The following CLIC5 variants were observed in gnomAD, a reference collection of about 807,000 sequenced individuals.
CLIC5 encodes CLIC family member 5, also known as chloride intracellular channel protein 5.
Under a neutral mutation model 24.7 loss-of-function variants are expected in CLIC5, and 20 were observed. The ratio of observed to expected loss-of-function variants is 0.81; its 90% CI spans 0.57 to 1.18. CLIC5 has a LOEUF of 1.18. CLIC5 is among the 50% of genes most tolerant of loss of function. The pLI is 0.00. For missense variants in CLIC5, 341 were observed against 326.1 expected (o/e 1.05, Z -0.35); for synonymous variants, 159 against 135.6 (o/e 1.17, Z -1.20).
At chr6:45,965,255 T>C (rs1222499305) in intron 1 of CLIC5, among the ~76,000 whole-genome samples, 1 of 152,216 alleles carries the variant, frequency 6.6e-6, no homozygotes, top group Non-Finnish European at 1.5e-5. Flanking sequence ...GGTTAACTAT[T>C]GGTACAATGA....
rs1554151289 is a variant in CLIC5, at chr6:45,958,443, T to TATACACACACACACACACACACACAC, written c.64-3200_64-3199insGTGTGTGTGTGTGTGTGTGTGTGTAT. 2.1e-3 allele frequency among the ~76,000 whole-genome samples: 115 copies of TATACACACACACACACACACACACAC among 55,620 alleles called. 7 individuals carry two copies. Among genetic ancestry groups the TATACACACACACACACACACACACAC allele is most frequent in the Admixed American group, 3.1e-3 (16 of 5,104 alleles). The allele number at this position is 55,620 out of a possible 152,430, so 36.5% of individuals were successfully genotyped here. ...ACAATTATATATATATATATATATA[T>TATACACACACACACACACACACACAC]ATATATATATATATATATATATATA... On this transcript the variant is annotated intron_variant, in intron 1 of 5. Coordinates refer to ENST00000339561, the MANE Select transcript of CLIC5 (RefSeq NM_016929.5).
At chr6:45,985,296 T>A (rs1238018585) in intron 1 of CLIC5, among the ~76,000 whole-genome samples, 1 of 152,174 alleles carries the variant, frequency 6.6e-6, no homozygotes, top group Admixed American at 6.5e-5. Context: ...CATGAAGCAA[T>A]TCATTCTACC....
intron 5 of CLIC5, chr6:45,911,967 C>T (rs1306819879): frequency 2.0e-6 from 2 of 985,490 alleles, no homozygotes; most frequent in Non-Finnish European, 1.2e-6. Flanking sequence ...CAGAGCAACT[C>T]TGCTTCCAGG....
At chr6:45,948,612 C>T (rs779858661) in intron 3 of CLIC5, among the ~76,000 whole-genome samples, 12 of 152,276 alleles carry the variant, frequency 7.9e-5, no homozygotes, top group South Asian at 2.1e-4. Flanking sequence ...CTTTAATGAA[C>T]AAGTCTAGCT....
chr6:45,955,520 A>T (rs1764613725), intron 1 of CLIC5, among the ~76,000 whole-genome samples: 1 of 152,190 alleles, frequency 6.6e-6, no homozygotes. Flanking sequence ...TGGGGTAAAA[A>T]TAGACCTGCA....
intron 1 of CLIC5, among the ~76,000 whole-genome samples, chr6:45,984,286 C>T (rs113559472): frequency 7.2e-5 from 11 of 152,278 alleles, no homozygotes; most frequent in African/African-American, 2.6e-4. Context: ...ACTTTCCAGG[C>T]CTCCTGGCCT....
Position 45,984,185 on chromosome 6 carries a change from A to G in CLIC5, c.64-28941T>C, listed in dbSNP as rs182515402. Reference sequence around the variant, plus strand: ...CTAGAGATTTAAAAAAGTACTTGGGATTAAAAGACAAATAAAACATTAGAG... The same window carrying G: ...CTAGAGATTTAAAAAAGTACTTGGGGTTAAAAGACAAATAAAACATTAGAG... On this transcript the variant is annotated intron_variant, in intron 1 of 5. Transcript: ENST00000339561. Among the ~76,000 whole-genome samples the G allele has an allele frequency of 7.2e-5, 11 of 152,336 alleles. No individual in the cohort carries two copies. In the East Asian group the frequency reaches 1.9e-3, roughly 27 times the overall value.
At chr6:46,041,720 T>G (rs1454969057) in intron 1 of CLIC5, among the ~76,000 whole-genome samples, 1 of 152,214 alleles carries the variant, frequency 6.6e-6, no homozygotes, top group Non-Finnish European at 1.5e-5. Context: ...TTTTGAATTT[T>G]AGAACAGTTA....
chr6:46,015,421 G>A, intron 1 of CLIC5, 59 bp downstream of exon 1: 2 of 1,452,430 alleles, frequency 1.4e-6, no homozygotes, highest in Middle Eastern at 1.9e-4. Flanking sequence ...CCCGAGCCCT[G>A]GTGGGTGAGC....
At chr6:45,950,880 A>G (rs1473636580) in intron 2 of CLIC5, among the ~76,000 whole-genome samples, 1 of 152,156 alleles carries the variant, frequency 6.6e-6, no homozygotes, top group African/African-American at 2.4e-5. Flanking sequence ...TTTAAATTTT[A>G]AAAATTCTGT....
At chr6:45,981,132 G>A (rs1204337) in intron 1 of CLIC5, among the ~76,000 whole-genome samples, 57,308 of 151,586 alleles carry the variant, frequency 0.38, 12,089 homozygotes, top group African/African-American at 0.57. Flanking sequence ...ACCAGGTCTG[G>A]CTAATTTTTG....
At chr6:46,019,549 G>T (rs555259761), upstream of CLIC5, among the ~76,000 whole-genome samples, 17 of 150,866 alleles carry the variant, frequency 1.1e-4, no homozygotes, top group South Asian at 3.3e-3. Flanking sequence ...AGCCGGGCGC[G>T]GTGGCGGGCG....
intron 6 of CLIC5, among the ~76,000 whole-genome samples, chr6:45,893,301 A>G (rs1762368719): frequency 6.6e-6 from 1 of 151,850 alleles, no homozygotes; most frequent in Non-Finnish European, 1.5e-5. Flanking sequence ...ATCGTGTGAT[A>G]CATAAGAATG....
chr6:45,883,895 TGA>T (rs1314670816), intron 6 of CLIC5: 2 of 152,276 alleles, frequency 1.3e-5, no homozygotes, highest in African/African-American at 4.8e-5. Flanking sequence ...TAAAGAAGCA[TGA>T]GACTGTTGAA....
chr6:46,020,374 T>C (rs1767142130), upstream of CLIC5, among the ~76,000 whole-genome samples: 1 of 152,118 alleles, frequency 6.6e-6, no homozygotes, highest in African/African-American at 2.4e-5. Context: ...TATTTTGAAC[T>C]GAATTCAAAT....
At chr6:46,030,584 T>G (rs1353073916) in intron 1 of CLIC5, among the ~76,000 whole-genome samples, 1 of 152,100 alleles carries the variant, frequency 6.6e-6, no homozygotes, top group East Asian at 2.0e-4. Context: ...AATGATGTAC[T>G]AGGTTGGGAC....
At chr6:45,916,690 CAGTGATT>C (rs1763044023) in intron 4 of CLIC5, among the ~76,000 whole-genome samples, 1 of 152,202 alleles carries the variant, frequency 6.6e-6, no homozygotes, top group Non-Finnish European at 1.5e-5. Flanking sequence ...AAGCCTAGAG[CAGTGATT>C]GAAGTTCCTT....
chr6:45,942,787 G>A (rs1452687301), intron 3 of CLIC5, among the ~76,000 whole-genome samples: 1 of 152,224 alleles, frequency 6.6e-6, no homozygotes. Flanking sequence ...ATGTTAGGTG[G>A]CTGTGTAATT....
intron 5 of CLIC5, 78 bp from the exon 6 acceptor site, chr6:45,903,333 T>G: frequency 7.2e-7 from 1 of 1,389,158 alleles, no homozygotes; most frequent in East Asian, 2.4e-5. Context: ...GCCGTCCCAG[T>G]GTGTGTGCAC....
Sources: allele counts gnomAD v4.1 joint callset (sites outside exome capture counted in the v4.1 genomes callset), GRCh38; gene constraint gnomAD v4.1.1; transcripts MANE v1.5; gene names NCBI Gene and HGNC (gene_info 2026-07-23, HGNC 2026-07-21).